The following EPHA10 variants were observed in gnomAD, a reference collection of about 807,000 sequenced individuals.
EPHA10 encodes the protein ephrin type-A receptor 10.
Under a neutral mutation model 109.7 loss-of-function variants are expected in EPHA10, and 120 were observed. The observed-to-expected ratio is 1.09, with a 90% CI of 0.94 to 1.27. The LOEUF is 1.27. EPHA10 is among the 50% of genes most tolerant of loss of function. The pLI, the probability that EPHA10 is intolerant of heterozygous loss-of-function variation, is 0.00. For synonymous variants in EPHA10, 640 were observed against 618.9 expected (o/e 1.03, Z -0.51); for missense variants, 1,396 against 1,411.1 (o/e 0.99, Z 0.17).
In EPHA10 at chr1:37,762,430, C is replaced by A. The variant is rs1646442002; in HGVS notation, c.172-347G>T. Among the ~76,000 whole-genome samples the A allele has an allele frequency of 3.9e-5, 6 of 152,136 alleles. No individual in the cohort carries two copies. The South Asian group carries it at 1.2e-3, about 32-fold the overall frequency. On this transcript the variant is annotated intron_variant, in intron 2 of 16. Transcript: ENST00000373048. ...TCCTCCCCTACCCCAAGTCTCCAAGCCTCTTTTAGGACTCCCAGTCTTGCT... is the reference window on the plus strand; with the variant it reads ...TCCTCCCCTACCCCAAGTCTCCAAGACTCTTTTAGGACTCCCAGTCTTGCT...
chr1:37,749,752 T>G (rs981834314), intron 5 of EPHA10, among the ~76,000 whole-genome samples: 1 of 152,092 alleles, frequency 6.6e-6, no homozygotes, highest in Admixed American at 6.5e-5. Flanking sequence ...TGCTAAATGA[T>G]GGGAAGATGT....
At position 37,761,701 on chromosome 1, in the gene EPHA10, C is replaced by A; in HGVS notation, c.554G>T (p.Arg185Leu). The A allele has an allele frequency of 1.2e-6, 2 of 1,613,180 alleles. No homozygotes were observed. Among genetic ancestry groups the A allele is most frequent in the South Asian group, 2.2e-5 (2 of 91,066 alleles). The change falls in exon 3 of 17, where the codon CGG (arginine) becomes CTG (leucine). Residue 185 changes from arginine (R) to leucine (L), a missense_variant. Transcript: ENST00000373048. ...TEVREIGPLS[R>L]RGFHLAFQDV... ...CTGAAAGGCCAGGTGGAAACCCCGC[C>A]GGCTGAGCGGTCCGATCTCGCGCAC...
At chr1:37,737,786 T>C (rs1646091817) in intron 5 of EPHA10, among the ~76,000 whole-genome samples, 1 of 152,202 alleles carries the variant, frequency 6.6e-6, no homozygotes, top group Non-Finnish European at 1.5e-5. Flanking sequence ...TTAAAACTTC[T>C]GCAGGGCAAA....
chr1:37,745,445 G>A (rs147051312), intron 5 of EPHA10, among the ~76,000 whole-genome samples: 1 of 152,266 alleles, frequency 6.6e-6, no homozygotes, highest in African/African-American at 2.4e-5. Flanking sequence ...AATGCAAAAT[G>A]GTAGAGCTGC....
At position 37,720,809 on chromosome 1, in the gene EPHA10, G is replaced by A. The variant is rs1483039910; in HGVS notation, c.2182C>T (p.His728Tyr). 6 of 1,614,070 alleles carry A rather than the reference G, an allele frequency of 3.7e-6. No homozygotes were observed. Among genetic ancestry groups the A allele is most frequent in the Non-Finnish European group, 5.1e-6 (6 of 1,180,002 alleles). ...TLMIVTEYMS[H>Y]GALDGFLRRH... Reference sequence around the variant, plus strand: ...CTGAGGAAGCCGTCCAGGGCCCCATGGCTCATGTACTCGGTGACAATCATC... The same window carrying A: ...CTGAGGAAGCCGTCCAGGGCCCCATAGCTCATGTACTCGGTGACAATCATC... Residue 728 changes from histidine to tyrosine, a missense_variant, in exon 12 of 17, where the codon CAT becomes TAT. By Grantham distance (83) the His-to-Tyr change is moderately conservative (BLOSUM62 2). Transcript: ENST00000373048.
chr1:37,731,632 TAGG>T (rs773766667), intron 6 of EPHA10, 50 bp from the exon 7 acceptor site: 7 of 1,532,792 alleles, frequency 4.6e-6, no homozygotes, highest in Non-Finnish European at 6.2e-6. Context: ...TCCACTGTTC[TAGG>T]AGAACAAAGG....
At chr1:37,751,498 G>T (rs1378749412) in intron 5 of EPHA10, among the ~76,000 whole-genome samples, 5 of 150,758 alleles carry the variant, frequency 3.3e-5, no homozygotes, top group Non-Finnish European at 7.4e-5. Context: ...GAACCCAGGA[G>T]GCAGAGGTTG....
intron 5 of EPHA10, among the ~76,000 whole-genome samples, chr1:37,741,823 C>G (rs1022748935): frequency 2.6e-5 from 4 of 151,654 alleles, no homozygotes; most frequent in Admixed American, 2.6e-4. Context: ...TACTGCAGAG[C>G]TGCTTTCGAG....
rs1645719788 is a variant in EPHA10 at position 37,718,074 on chromosome 1, T to A, written c.*298A>T. 1 of 433,004 alleles carries A rather than the reference T, an allele frequency of 2.3e-6. No homozygotes were observed. The highest frequency in any genetic ancestry group is 4.1e-6 in the Non-Finnish European group (1 of 243,602). 26.8% of individuals were successfully genotyped at this position (433,004 alleles called of 1,614,324 possible). ...TCTCAACCCACTGTCTTCCCTCCCA[T>A]CCCTGCCCCAGCTTTTCTCTGAGAC... is the stretch of plus-strand genomic sequence containing the variant. On this transcript the variant is annotated 3_prime_UTR_variant, in exon 17 of 17. Coordinates refer to ENST00000373048, the MANE Select transcript of EPHA10 (RefSeq NM_001099439.2).
At chr1:37,743,984 A>T (rs1646193527) in intron 5 of EPHA10, among the ~76,000 whole-genome samples, 3 of 152,198 alleles carry the variant, frequency 2.0e-5, no homozygotes, top group Admixed American at 6.5e-5. Flanking sequence ...TAGTTTAAAA[A>T]TTTTTACCAC....
At chr1:37,732,863 CTTTTTTTTTTTTTTTTTTTTTTTTTTT>C (rs56226051) in intron 6 of EPHA10, among the ~76,000 whole-genome samples, 10 of 25,044 alleles carry the variant, frequency 4.0e-4, no homozygotes, top group Admixed American at 1.7e-3. Context: ...TATACTTGTT[CTTTTTTTTTTTTTTTTTTTTTTTTTTT>C]TTTTTTTTTT....
chr1:37,765,070 C>T lies in EPHA10; in HGVS notation c.-4G>A. ...GTGGACCGGCGCAGGTCTCCATGGT[C>T]CGCAGACCGAGCTGTCAGTCCGGCG... On this transcript the variant is annotated 5_prime_UTR_variant, in exon 1 of 17. Transcript: ENST00000373048. 1 of 1,590,458 alleles carries T rather than the reference C, an allele frequency of 6.3e-7. No individual in the cohort carries two copies. Among genetic ancestry groups the T allele is most frequent in the Non-Finnish European group, 8.5e-7 (1 of 1,171,906 alleles).
chr1:37,739,622 G>C (rs542649053), intron 5 of EPHA10, among the ~76,000 whole-genome samples: 1 of 150,962 alleles, frequency 6.6e-6, no homozygotes, highest in African/African-American at 2.4e-5. Context: ...CCAGGAAGTG[G>C]AGGTTGCAGT....
At position 37,720,007 on chromosome 1, in the gene EPHA10, G is replaced by A. The variant is rs1645762135; in HGVS notation, c.2464C>T (p.His822Tyr). ...CACACGTCACTGGCAGAGCTGAAGT[G>A]GCCAAACTGAAGTGTCTCGGGAGCG... ...WAAPETLQFG[H>Y]FSSASDVWSF... The change falls in exon 14 of 17, where the codon CAC becomes TAC. Residue 822 changes from histidine to tyrosine, a missense_variant. Physicochemically the swap from His to Tyr is moderately conservative, Grantham distance 83. Transcript: ENST00000373048. 6.2e-7 allele frequency: 1 copy of A among 1,613,926 alleles called. No homozygotes were observed.
intron 5 of EPHA10, among the ~76,000 whole-genome samples, chr1:37,736,601 G>A (rs187075053): frequency 9.2e-5 from 14 of 151,872 alleles, no homozygotes; most frequent in East Asian, 1.9e-4. Context: ...CCAGCTACTT[G>A]GGAGGCTGAG....
intron 5 of EPHA10, among the ~76,000 whole-genome samples, chr1:37,749,394 C>T (rs1200191284): frequency 6.6e-6 from 1 of 151,820 alleles, no homozygotes; most frequent in Non-Finnish European, 1.5e-5. Flanking sequence ...AACATAAGGC[C>T]GTGCACGGTG....
At chr1:37,726,349 TC>T (rs1483988744) in intron 8 of EPHA10, among the ~76,000 whole-genome samples, 1 of 152,204 alleles carries the variant, frequency 6.6e-6, no homozygotes, top group East Asian at 1.9e-4. Context: ...TTTCAGTGCC[TC>T]ATTCAAGGCC....
downstream of EPHA10, among the ~76,000 whole-genome samples, chr1:37,714,328 AGT>A (rs922430728): frequency 5.9e-5 from 9 of 152,182 alleles, no homozygotes; most frequent in African/African-American, 2.2e-4. Flanking sequence ...ATGTGGTCCA[AGT>A]GTGTGTGTGC....
At chr1:37,751,884 AATT>A (rs1033642930) in intron 5 of EPHA10, among the ~76,000 whole-genome samples, 1 of 152,076 alleles carries the variant, frequency 6.6e-6, no homozygotes, top group African/African-American at 2.4e-5. Context: ...AAAAAAAAAA[AATT>A]ATTATCAACA....
Sources: gnomAD v4.1 joint callset for allele counts (sites outside exome capture counted in the v4.1 genomes callset) on GRCh38, gnomAD v4.1.1 for gene constraint, MANE v1.5 for transcripts, NCBI Gene and HGNC (gene_info 2026-07-23, HGNC 2026-07-21) for gene names.